The following ICE1 variants were observed in gnomAD, a reference collection of about 807,000 sequenced individuals.
ICE1 encodes little elongation complex subunit 1.
ICE1 carries 64 observed loss-of-function variants against 192.7 expected under a neutral mutation model. The observed-to-expected ratio is 0.33, with a 90% CI of 0.27 to 0.41. The LOEUF is 0.41. Ranked by LOEUF, ICE1 falls within the 10% of genes least tolerant of loss-of-function variation. The pLI is 1.00. For synonymous variants in ICE1, 1,010 were observed against 984.5 expected (o/e 1.03, Z -0.49); for missense variants, 2,708 against 2,696.0 (o/e 1.00, Z -0.10).
chr5:5,457,789 A>C (rs770416101), intron 12 of ICE1, 48 bp downstream of exon 12: 1 of 1,496,288 alleles, frequency 6.7e-7, no homozygotes, highest in African/African-American at 1.4e-5. Flanking sequence ...TACATTGTCT[A>C]TCCTAATATG....
intron 1 of ICE1, among the ~76,000 whole-genome samples, chr5:5,425,509 A>G (rs960592611): frequency 1.3e-5 from 2 of 152,168 alleles, no homozygotes; most frequent in Non-Finnish European, 2.9e-5. Context: ...TCAGGACACT[A>G]TTGCATTTGG....
At chr5:5,476,145 T>A in intron 17 of ICE1, 66 bp downstream of exon 17, 1 of 826,632 alleles carries the variant, frequency 1.2e-6, no homozygotes, top group Non-Finnish European at 1.9e-6. Context: ...GCTGGGGGGT[T>A]AACTGTATAA....
At chr5:5,424,181 A>C (rs1419736662) in intron 1 of ICE1, among the ~76,000 whole-genome samples, 1 of 152,196 alleles carries the variant, frequency 6.6e-6, no homozygotes, top group African/African-American at 2.4e-5. Context: ...ATGAGACCAG[A>C]CGGGAGTGCA....
At chr5:5,455,039 G>T (rs1475942710) in intron 11 of ICE1, among the ~76,000 whole-genome samples, 3 of 152,168 alleles carry the variant, frequency 2.0e-5, no homozygotes, top group Non-Finnish European at 4.4e-5. Flanking sequence ...GTATCATGGG[G>T]GCATTCTAGC....
chr5:5,462,459 C>G lies in ICE1; in HGVS notation c.3125C>G (p.Pro1042Arg), dbSNP rs774977150. ...LAVANDSTSTPQNANGLWKLK... is the reference protein window; with the variant it reads ...LAVANDSTSTRQNANGLWKLK... ...GTTGCAAATGATTCTACCAGCACAC[C>G]ACAAAATGCTAATGGACTTTGGAAA... Residue 1042 changes from proline to arginine, a missense_variant, in exon 13 of 19, where the codon CCA becomes CGA. This residue lies in a region of ICE1 where 2,366 missense variants were observed against 2,276.6 expected (regional missense o/e 1.04). Transcript: ENST00000296564. The G allele has an allele frequency of 1.2e-6, 2 of 1,613,948 alleles. No individual in the cohort carries two copies. The highest frequency in any genetic ancestry group is 1.6e-4 in the Middle Eastern group (1 of 6,062).
chr5:5,467,310 G>A (rs1739016719), intron 14 of ICE1, among the ~76,000 whole-genome samples: 1 of 152,184 alleles, frequency 6.6e-6, no homozygotes, highest in South Asian at 2.1e-4. Context: ...GGACTGACAG[G>A]CCATAGTCAT....
chr5:5,462,288 G>C lies in ICE1; in HGVS notation c.2954G>C (p.Arg985Thr). The C allele has an allele frequency of 3.1e-6, 5 of 1,613,726 alleles. No individual in the cohort carries two copies. The highest frequency in any genetic ancestry group is 4.2e-6 in the Non-Finnish European group (5 of 1,179,768). ...GTGCAGGGAGATGGGCAGAAGCAAA[G>C]GCAGCCTCAGGCCACAGATCTGGAC... ...AAVQGDGQKQ[R>T]QPQATDLDSS... is the part of the protein sequence containing the mutation. Residue 985 changes from arginine to threonine, a missense_variant, in exon 13 of 19, where the codon AGG becomes ACG. Transcript: ENST00000296564.
At chr5:5,445,065 A>G (rs1738170965) in intron 7 of ICE1, among the ~76,000 whole-genome samples, 1 of 152,240 alleles carries the variant, frequency 6.6e-6, no homozygotes, top group African/African-American at 2.4e-5. Flanking sequence ...TGCAGCGGGC[A>G]TCTTACCTGC....
chr5:5,468,883 A>G lies in ICE1; in HGVS notation c.6117A>G (p.Ile2039Met), dbSNP rs1739072163. Residue 2039 changes from isoleucine to methionine, a missense_variant, in exon 15 of 19, where the codon ATA becomes ATG. Transcript: ENST00000296564. ...TTATTGCAAACATGTGGCATGATAT[A>G]TTTCTCTCTCAATCGGTGATTAATA... is the stretch of plus-strand genomic sequence containing the variant. ...TLFIANMWHD[I>M]FLSQSVINKA... The G allele has an allele frequency of 1.2e-6, 2 of 1,604,992 alleles. No individual in the cohort carries two copies. The highest frequency in any genetic ancestry group is 2.7e-5 in the African/African-American group (2 of 74,534).
At position 5,464,402 on chromosome 5, in the gene ICE1, C is replaced by A; in HGVS notation, c.5068C>A (p.Arg1690Ser). 1 of 1,613,920 alleles carries A rather than the reference C, an allele frequency of 6.2e-7. No individual in the cohort carries two copies. Among genetic ancestry groups the A allele is most frequent in the Non-Finnish European group, 8.5e-7 (1 of 1,179,876 alleles). ...GTCTCCATGGCCAGAGGACCCCAGACGTGCCTCTCCTCCAGATCCTTCTCC... is the reference window on the plus strand; with the variant it reads ...GTCTCCATGGCCAGAGGACCCCAGAAGTGCCTCTCCTCCAGATCCTTCTCC... ...AMSPWPEDPR[R>S]ASPPDPSPSP... Residue 1690 changes from arginine to serine, a missense_variant, in exon 13 of 19, where the codon CGT (arginine) becomes AGT (serine). Transcript: ENST00000296564. This position sits in a 1 kb window ranked among gnomAD's most constrained non-coding sequence, Gnocchi z 4.0.
chr5:5,423,926 G>T (rs1465884975), intron 1 of ICE1, among the ~76,000 whole-genome samples: 2 of 152,214 alleles, frequency 1.3e-5, no homozygotes, highest in Non-Finnish European at 2.9e-5. Context: ...AGAAAATAAA[G>T]GAGGATGTTG....
intron 12 of ICE1, 39 bp downstream of exon 12, chr5:5,457,780 A>T: frequency 3.9e-6 from 6 of 1,555,022 alleles, no homozygotes; most frequent in Non-Finnish European, 5.3e-6. Flanking sequence ...CCAAGTGGGT[A>T]CATTGTCTAT....
At chr5:5,441,003 A>G in intron 4 of ICE1, 109 bp from the exon 5 acceptor site, 1 of 656,916 alleles carries the variant, frequency 1.5e-6, no homozygotes. Context: ...AGACTTTTTC[A>G]TCCTTTTTTT....
chr5:5,481,771 C>T (rs1739509213), intron 17 of ICE1, among the ~76,000 whole-genome samples: 1 of 152,224 alleles, frequency 6.6e-6, no homozygotes, highest in Non-Finnish European at 1.5e-5. Context: ...TGTACCCTTT[C>T]TATGTTTAGA....
chr5:5,429,595 C>G (rs1254997220), intron 1 of ICE1, among the ~76,000 whole-genome samples: 2 of 152,198 alleles, frequency 1.3e-5, no homozygotes, highest in Non-Finnish European at 1.5e-5. Context: ...TTTGAGCAGA[C>G]TACATATCCC....
chr5:5,466,390 A>G lies in ICE1; in HGVS notation c.5949A>G (p.Ile1983Met), dbSNP rs1210434650. The change falls in exon 14 of 19, where the codon ATA becomes ATG. Residue 1983 changes from isoleucine to methionine, a missense_variant. Transcript: ENST00000296564. The part of the protein sequence containing the change: ...SILSELKIQK[I>M]SMDHNYIHAL... Reference sequence around the variant, plus strand: ...TCTCAGAACTAAAAATTCAGAAGATATCTATGGACCACAATTACATTCACG... The same window carrying G: ...TCTCAGAACTAAAAATTCAGAAGATGTCTATGGACCACAATTACATTCACG... 2.5e-6 allele frequency: 4 copies of G among 1,613,264 alleles called. No individual in the cohort carries two copies. The highest frequency in any genetic ancestry group is 1.3e-5 in the African/African-American group (1 of 74,880).
At chr5:5,484,792 G>T (rs758984803) in intron 17 of ICE1, among the ~76,000 whole-genome samples, 6 of 152,306 alleles carry the variant, frequency 3.9e-5, no homozygotes, top group South Asian at 2.1e-4. Flanking sequence ...AAACTCATAT[G>T]CTGGATCCAC....
At chr5:5,473,012 A>G (rs1232247352) in intron 15 of ICE1, among the ~76,000 whole-genome samples, 1 of 152,198 alleles carries the variant, frequency 6.6e-6, no homozygotes, top group East Asian at 1.9e-4. Flanking sequence ...TAATATGTCC[A>G]TATAATTGGT....
intron 10 of ICE1, among the ~76,000 whole-genome samples, chr5:5,450,768 T>C (rs1464975016): frequency 6.6e-6 from 1 of 152,190 alleles, no homozygotes; most frequent in Non-Finnish European, 1.5e-5. Flanking sequence ...ATTATTGAAA[T>C]GTTGATTAAA....
Sources: allele counts gnomAD v4.1 joint callset (sites outside exome capture counted in the v4.1 genomes callset), GRCh38; gene constraint gnomAD v4.1.1; regional missense constraint gnomAD v4.1.1; non-coding constraint Gnocchi (gnomAD v3.1); transcripts MANE v1.5; gene names NCBI Gene and HGNC (gene_info 2026-07-23, HGNC 2026-07-21).